ANKFN1: variants seen among roughly 807,000 people sequenced by gnomAD.
The protein encoded by ANKFN1 is ankyrin repeat and fibronectin type-III domain-containing protein 1.
ANKFN1 carries 74 observed loss-of-function variants against 108.7 expected under a neutral mutation model. The observed-to-expected ratio is 0.68, with a 90% confidence interval of 0.56 to 0.83. The LOEUF (loss-of-function observed/expected upper bound fraction) is 0.83. Among genes scored for constraint, ANKFN1 ranks in the 40% least tolerant of loss-of-function variants. ANKFN1 has a pLI of 0.00. For missense variants in ANKFN1, 1,505 were observed against 1,382.3 expected (o/e 1.09, Z -1.41); for synonymous variants, 547 against 516.2 (o/e 1.06, Z -0.81).
At chr17:56,249,998 T>C (rs2043199681) in intron 3 of ANKFN1, among the ~76,000 whole-genome samples, 1 of 152,176 alleles carries the variant, frequency 6.6e-6, no homozygotes, top group African/African-American at 2.4e-5. Context: ...ATTTATACAG[T>C]GGTTGAAACA....
chr17:56,312,581 T>A (rs2045062348), intron 3 of ANKFN1, among the ~76,000 whole-genome samples: 2 of 152,156 alleles, frequency 1.3e-5, no homozygotes, highest in South Asian at 4.1e-4. Flanking sequence ...AGACCTCCTT[T>A]CCTTTGCTCG....
chr17:56,354,850 T>C (rs182819730), intron 6 of ANKFN1, among the ~76,000 whole-genome samples: 5 of 152,350 alleles, frequency 3.3e-5, no homozygotes, highest in African/African-American at 1.2e-4. Flanking sequence ...ACACTTAAGT[T>C]GATTCTACAC....
chr17:56,150,888 A>C (rs984687303), upstream of ANKFN1, among the ~76,000 whole-genome samples: 4 of 152,122 alleles, frequency 2.6e-5, no homozygotes, highest in Non-Finnish European at 4.4e-5. Flanking sequence ...TGCAAGAGAA[A>C]GAATGTGATG....
intron 8 of ANKFN1, among the ~76,000 whole-genome samples, chr17:56,420,572 T>C (rs2048369465): frequency 6.6e-6 from 1 of 151,826 alleles, no homozygotes. Context: ...GATACATCAA[T>C]AGGAATTCAG....
At chr17:56,093,444 A>G (rs1905458042) in intron 4 of ANKFN1, among the ~76,000 whole-genome samples, 1 of 151,226 alleles carries the variant, frequency 6.6e-6, no homozygotes. Context: ...GATTTTAAGC[A>G]TCAGGCAGTC....
intron 4 of ANKFN1, among the ~76,000 whole-genome samples, chr17:56,099,825 G>A (rs1905605886): frequency 6.6e-6 from 1 of 152,370 alleles, no homozygotes; most frequent in East Asian, 1.9e-4. Context: ...CAAAAGCCAA[G>A]TCATGAGGCA....
At chr17:56,339,642 C>G (rs570689958) in intron 4 of ANKFN1, among the ~76,000 whole-genome samples, 1 of 151,998 alleles carries the variant, frequency 6.6e-6, no homozygotes, top group Non-Finnish European at 1.5e-5. Context: ...TAATCTTGTT[C>G]TTTTTATAGC....
At chr17:56,448,964 G>C in intron 10 of ANKFN1, 115 bp from the exon 11 acceptor site, 1 of 740,794 alleles carries the variant, frequency 1.3e-6, no homozygotes, top group Non-Finnish European at 2.3e-6. Flanking sequence ...TGTGCGGGGT[G>C]CTCATCCGCA....
At position 56,462,549 on chromosome 17, in the gene ANKFN1, G is replaced by A. The variant is rs760661676; in HGVS notation, c.1558-3807G>A. 1.6e-4 allele frequency among the ~76,000 whole-genome samples: 24 copies of A among 152,090 alleles called. 1 individual carries two copies. Among genetic ancestry groups the A allele is most frequent in the Non-Finnish European group, 2.4e-4 (16 of 68,018 alleles). On this transcript the variant is annotated intron_variant, in intron 14 of 20. Transcript: ENST00000682825. ...GCGGAGGTTGTGGTGAGCTGAGATC[G>A]CACCATTGCACTCCAGCCTGGGCAA...
intron 11 of ANKFN1, 134 bp from the exon 12 acceptor site, chr17:56,456,727 A>T: frequency 5.6e-6 from 4 of 717,520 alleles, no homozygotes; most frequent in Non-Finnish European, 9.8e-6. Flanking sequence ...GAATGAGCAG[A>T]ATCCCTACAT....
intron 4 of ANKFN1, among the ~76,000 whole-genome samples, chr17:56,058,310 T>C (rs1904915409): frequency 6.6e-6 from 1 of 152,228 alleles, no homozygotes; most frequent in South Asian, 2.1e-4. Flanking sequence ...CTGTTGTTTT[T>C]AGTGTCGCCA....
rs992202713 is a variant in ANKFN1 at position 56,513,146 on chromosome 17, T to C, written c.*1877T>C. On this transcript the variant is annotated 3_prime_UTR_variant, in exon 21 of 21. Coordinates refer to ENST00000682825, the MANE Select transcript of ANKFN1 (RefSeq NM_001370326.1). ...TTAGTCTCAGAGTTAGGGTCAGAACTAGAATTATTCCCTTTATAGCAGGCC... is the reference window on the plus strand; with the variant it reads ...TTAGTCTCAGAGTTAGGGTCAGAACCAGAATTATTCCCTTTATAGCAGGCC... 2.0e-5 allele frequency among the ~76,000 whole-genome samples: 3 copies of C among 152,208 alleles called. No homozygotes were observed. The highest frequency in any genetic ancestry group is 7.2e-5 in the African/African-American group (3 of 41,454).
At chr17:56,225,117 G>A (rs192851271) in intron 2 of ANKFN1, among the ~76,000 whole-genome samples, 13 of 152,250 alleles carry the variant, frequency 8.5e-5, no homozygotes, top group Middle Eastern at 3.4e-3. Context: ...CTCTGCCAAA[G>A]TATATGCAAA....
chr17:56,053,022 T>G (rs1904804928), intron 4 of ANKFN1, among the ~76,000 whole-genome samples: 1 of 152,158 alleles, frequency 6.6e-6, no homozygotes, highest in African/African-American at 2.4e-5. Flanking sequence ...GAAACACTAC[T>G]GTGTAGCTAA....
intron 3 of ANKFN1, among the ~76,000 whole-genome samples, chr17:56,245,179 T>G (rs369981317): frequency 6.6e-6 from 1 of 152,326 alleles, no homozygotes; most frequent in East Asian, 1.9e-4. Flanking sequence ...AGAAATGTTA[T>G]ATGCCTTTCC....
rs538332312 is a variant in ANKFN1 at position 56,482,336 on chromosome 17, CCG to C, written c.2092-15_2092-14del. ...ATGTTGTAACTCTCCTATTTTTCCT[CCG>C]CGCGTGTCCCTCTGCAGGCAAGGAA... On this transcript the variant is annotated intron_variant, in intron 17 of 20. Coordinates refer to ENST00000682825, the MANE Select transcript of ANKFN1 (RefSeq NM_001370326.1). 1.2e-4 allele frequency: 191 copies of C among 1,555,218 alleles called. No homozygotes were observed. In the African/African-American group the frequency reaches 2.5e-3, roughly 20 times the overall value.
intron 18 of ANKFN1, among the ~76,000 whole-genome samples, chr17:56,488,308 A>C (rs2050919084): frequency 6.6e-6 from 1 of 152,090 alleles, no homozygotes; most frequent in Non-Finnish European, 1.5e-5. Context: ...AGAGATGAGG[A>C]ATTTAGGAGT....
intron 8 of ANKFN1, among the ~76,000 whole-genome samples, chr17:56,437,308 T>G (rs1301739961): frequency 3.9e-5 from 6 of 152,216 alleles, no homozygotes; most frequent in Non-Finnish European, 8.8e-5. Context: ...CTTTAGAAAT[T>G]CTAAAGATCG....
intron 4 of ANKFN1, among the ~76,000 whole-genome samples, chr17:56,061,794 T>C (rs1904980216): frequency 1.3e-5 from 2 of 152,174 alleles, no homozygotes; most frequent in Non-Finnish European, 2.9e-5. Context: ...TTTGGATAGT[T>C]TGCTCTTGCC....
Sources: allele counts gnomAD v4.1 joint callset (sites outside exome capture counted in the v4.1 genomes callset), GRCh38; gene constraint gnomAD v4.1.1; transcripts MANE v1.5; gene names NCBI Gene and HGNC (gene_info 2026-07-23, HGNC 2026-07-21).